The following PBX1 variants were observed in gnomAD, a reference collection of about 807,000 sequenced individuals.
PBX1 encodes the protein pre-B-cell leukemia transcription factor 1.
A neutral mutation model predicts 53.4 loss-of-function variants in PBX1; 6 were observed. The ratio of observed to expected loss-of-function variants is 0.11; its 90% CI spans 0.06 to 0.22. PBX1 has a LOEUF of 0.22. Ranked by LOEUF, PBX1 falls within the 10% of genes least tolerant of loss-of-function variation. The probability of loss-of-function intolerance (pLI) is 1.00; values close to 1 mark genes in which losing one functional copy is unlikely to be tolerated. For missense variants in PBX1, 251 were observed against 551.4 expected (o/e 0.46, Z 5.46); for synonymous variants, 204 against 212.3 (o/e 0.96, Z 0.34).
Position 164,846,946 on chromosome 1 carries a change from T to G in PBX1, c.*270T>G, listed in dbSNP as rs1204969574. ...GTTTTCGTCATCTTCCCTGCCCCTG[T>G]GCCTCTGTCCTAGACTCCCGGGGTC... On this transcript the variant is annotated 3_prime_UTR_variant, in exon 9 of 9. Transcript: ENST00000420696. The G allele has an allele frequency of 7.5e-7, 1 of 1,341,450 alleles. No individual in the cohort carries two copies. The highest frequency in any genetic ancestry group is 9.6e-7 in the Non-Finnish European group (1 of 1,042,858). The allele number at this position is 1,341,450 out of a possible 1,614,324, so 83.1% of individuals were successfully genotyped here. A position where few individuals can be genotyped will look rare whatever the true frequency, so the allele number is the denominator to read the frequency against.
At chr1:164,742,437 G>C (rs1183351206) in intron 2 of PBX1, among the ~76,000 whole-genome samples, 2 of 152,162 alleles carry the variant, frequency 1.3e-5, no homozygotes, top group African/African-American at 4.8e-5. Context: ...AGCTACTTAG[G>C]AGGCTGAGGC....
intron 2 of PBX1, chr1:164,769,180 C>A (rs910798407): frequency 6.6e-6 from 1 of 152,128 alleles, no homozygotes; most frequent in East Asian, 1.9e-4. Context: ...ATAAATACAT[C>A]GAATTTGGTG....
At chr1:164,835,604 A>G (rs943915820) in intron 8 of PBX1, among the ~76,000 whole-genome samples, 1 of 152,102 alleles carries the variant, frequency 6.6e-6, no homozygotes, top group African/African-American at 2.4e-5. Context: ...CCTTTTGTAC[A>G]TATTCTGGAA....
chr1:164,668,711 G>T (rs879467363), intron 2 of PBX1, among the ~76,000 whole-genome samples: 5 of 152,154 alleles, frequency 3.3e-5, no homozygotes, highest in Non-Finnish European at 5.9e-5. Flanking sequence ...GATGAGCTTG[G>T]CACTGCCAGG....
chr1:164,772,501 A>G (rs1301647895), intron 2 of PBX1, among the ~76,000 whole-genome samples: 1 of 152,232 alleles, frequency 6.6e-6, no homozygotes, highest in Non-Finnish European at 1.5e-5. Context: ...CCCATTTTAC[A>G]GATGGTGCTA....
At chr1:164,756,548 C>T (rs1204416169) in intron 2 of PBX1, among the ~76,000 whole-genome samples, 2 of 152,102 alleles carry the variant, frequency 1.3e-5, no homozygotes, top group African/African-American at 2.4e-5. Flanking sequence ...GGAATGCTAA[C>T]ATTGCATATG....
chr1:164,792,403 G>T, intron 2 of PBX1, 91 bp from the exon 3 acceptor site: 3 of 1,536,964 alleles, frequency 2.0e-6, no homozygotes, highest in South Asian at 2.5e-5. Flanking sequence ...TAACTTGGCA[G>T]CTTATGTAGC....
At chr1:164,618,298 G>GGC (rs1553217604) in intron 2 of PBX1, among the ~76,000 whole-genome samples, 15 of 2,910 alleles carry the variant, frequency 5.2e-3, no homozygotes, top group African/African-American at 8.6e-3. Context: ...TAATCACGGC[G>GGC]GGGGGGGGGG....
intron 2 of PBX1, among the ~76,000 whole-genome samples, chr1:164,632,770 A>G (rs1658492093): frequency 6.6e-6 from 1 of 152,264 alleles, no homozygotes; most frequent in East Asian, 1.9e-4. Flanking sequence ...TCTAGAGGAT[A>G]TTATTACCAG....
intron 7 of PBX1, among the ~76,000 whole-genome samples, chr1:164,821,247 C>G (rs1571470848): frequency 6.6e-6 from 1 of 152,220 alleles, no homozygotes; most frequent in South Asian, 2.1e-4. Flanking sequence ...CCAGCTCCCT[C>G]TATCATCCTA....
intron 2 of PBX1, among the ~76,000 whole-genome samples, chr1:164,597,496 A>C (rs1655853066): frequency 6.6e-6 from 1 of 152,174 alleles, no homozygotes; most frequent in Non-Finnish European, 1.5e-5. Flanking sequence ...ATAATTTTCT[A>C]CCACACTTTG....
At chr1:164,768,759 A>T (rs1014699445) in intron 2 of PBX1, among the ~76,000 whole-genome samples, 5 of 152,210 alleles carry the variant, frequency 3.3e-5, no homozygotes, top group African/African-American at 1.2e-4. Context: ...TGTGTGAGAT[A>T]AGAAAACTCT....
intron 2 of PBX1, among the ~76,000 whole-genome samples, chr1:164,786,485 G>C (rs1668180267): frequency 1.3e-5 from 2 of 152,300 alleles, no homozygotes; most frequent in South Asian, 4.1e-4. Context: ...TTCTGTGGCT[G>C]AGAAAGAAGA....
chr1:164,839,487 G>A (rs1382933118), intron 8 of PBX1, among the ~76,000 whole-genome samples: 2 of 152,138 alleles, frequency 1.3e-5, no homozygotes, highest in Non-Finnish European at 2.9e-5. Flanking sequence ...GTAAGTCAGT[G>A]GTATTAGAGG....
intron 6 of PBX1, chr1:164,817,587 A>G (rs1211232387): frequency 1.3e-5 from 2 of 152,246 alleles, no homozygotes; most frequent in African/African-American, 2.4e-5. Flanking sequence ...GCTCTGATAC[A>G]AATGCACTTG....
At chr1:164,688,936 C>G (rs1387020435) in intron 2 of PBX1, among the ~76,000 whole-genome samples, 2 of 152,224 alleles carry the variant, frequency 1.3e-5, no homozygotes, top group African/African-American at 4.8e-5. Flanking sequence ...CCCCGTCTTG[C>G]CTCATCCCTG....
At position 164,797,829 on chromosome 1, in the gene PBX1, G is replaced by A. The variant is rs1253862930; in HGVS notation, c.511-1870G>A. On this transcript the variant is annotated intron_variant, in intron 3 of 8. Transcript: ENST00000420696. ...TTATCAGGTAGGGTATTGCCATCTCGGTTTCACAAATTAGAAAAACGAGGC... is the reference window on the plus strand; with the variant it reads ...TTATCAGGTAGGGTATTGCCATCTCAGTTTCACAAATTAGAAAAACGAGGC... Among the ~76,000 whole-genome samples the A allele has an allele frequency of 3.9e-5, 6 of 152,082 alleles. No individual in the cohort carries two copies. The East Asian group carries it at 5.8e-4, about 15-fold the overall frequency.
intron 2 of PBX1, among the ~76,000 whole-genome samples, chr1:164,764,662 C>T (rs993491819): frequency 2.0e-5 from 3 of 151,900 alleles, no homozygotes; most frequent in African/African-American, 7.3e-5. Context: ...TCTTATCTTG[C>T]CTTTATAATT....
At chr1:164,632,308 C>G (rs1658462019) in intron 2 of PBX1, among the ~76,000 whole-genome samples, 1 of 152,062 alleles carries the variant, frequency 6.6e-6, no homozygotes, top group Admixed American at 6.6e-5. Flanking sequence ...CTACCCTCGC[C>G]CCTTTCATCT....
Sources: gnomAD v4.1 joint callset for allele counts (sites outside exome capture counted in the v4.1 genomes callset) on GRCh38, gnomAD v4.1.1 for gene constraint, MANE v1.5 for transcripts, NCBI Gene and HGNC (gene_info 2026-07-23, HGNC 2026-07-21) for gene names.